The following FARS2 variants were observed in gnomAD, a reference collection of about 807,000 sequenced individuals.
FARS2 encodes the protein phenylalanyl-tRNA synthetase 2, mitochondrial, also known as phenylalanine--tRNA ligase, mitochondrial.
In FARS2, 40 loss-of-function variants were observed where a neutral mutation model predicts 46.4. The observed-to-expected ratio is 0.86, with a 90% confidence interval of 0.67 to 1.12. The LOEUF is 1.12. Ranked by LOEUF, FARS2 falls within the 50% of genes most tolerant of loss-of-function variation. The probability of loss-of-function intolerance (pLI) is 0.00; values close to 1 mark genes in which losing one functional copy is unlikely to be tolerated. For missense variants in FARS2, 513 were observed against 567.9 expected (o/e 0.90, Z 0.98); for synonymous variants, 234 against 214.9 (o/e 1.09, Z -0.78).
chr6:5,308,838 A>G (rs1768901150), intron 1 of FARS2, among the ~76,000 whole-genome samples: 1 of 152,180 alleles, frequency 6.6e-6, no homozygotes, highest in Non-Finnish European at 1.5e-5. Context: ...CATAGACCTC[A>G]AGGCTGGGGA....
chr6:5,560,918 C>T (rs1455041376), intron 5 of FARS2, among the ~76,000 whole-genome samples: 2 of 152,080 alleles, frequency 1.3e-5, no homozygotes, highest in Non-Finnish European at 2.9e-5. Context: ...CACTTGAGGC[C>T]AGGAGTTTGA....
chr6:5,566,579 A>G (rs554847405), intron 5 of FARS2, among the ~76,000 whole-genome samples: 2 of 152,314 alleles, frequency 1.3e-5, no homozygotes, highest in African/African-American at 4.8e-5. Context: ...TTATGCATGC[A>G]TTAAGAGTGG....
At chr6:5,479,050 T>G (rs1164852963) in intron 4 of FARS2, among the ~76,000 whole-genome samples, 1 of 152,254 alleles carries the variant, frequency 6.6e-6, no homozygotes, top group Non-Finnish European at 1.5e-5. Flanking sequence ...GTAGTAAAAT[T>G]ATGGCTTCTG....
intron 1 of FARS2, among the ~76,000 whole-genome samples, chr6:5,269,654 AT>A (rs1765806468): frequency 6.6e-6 from 1 of 152,122 alleles, no homozygotes; most frequent in Non-Finnish European, 1.5e-5. Context: ...AACATTTAGA[AT>A]TTGCAGTGTT....
intron 1 of FARS2, among the ~76,000 whole-genome samples, chr6:5,315,373 C>T (rs970645064): frequency 5.3e-5 from 8 of 152,272 alleles, no homozygotes; most frequent in South Asian, 4.1e-4. Context: ...TTGCATGCAG[C>T]GCCTAAAGAA....
chr6:5,584,018 G>T (rs376829915), intron 5 of FARS2, among the ~76,000 whole-genome samples: 62 of 151,882 alleles, frequency 4.1e-4, no homozygotes, highest in African/African-American at 1.4e-3. Flanking sequence ...TTTCCAGGAG[G>T]TATCTCTGTT....
chr6:5,273,965 G>C (rs558514877), intron 1 of FARS2, among the ~76,000 whole-genome samples: 3 of 151,996 alleles, frequency 2.0e-5, no homozygotes, highest in Non-Finnish European at 4.4e-5. Flanking sequence ...ATTTATATCT[G>C]GTTCTCTATT....
At chr6:5,282,538 G>C (rs1766810839) in intron 1 of FARS2, among the ~76,000 whole-genome samples, 1 of 152,138 alleles carries the variant, frequency 6.6e-6, no homozygotes, top group Non-Finnish European at 1.5e-5. Flanking sequence ...CGGAGTTGAG[G>C]GTTAGTGGTA....
rs953900312 is a variant in FARS2 at position 5,466,986 on chromosome 6, C to T, written c.904+35814C>T. ...GATAAGAGGCACATATTCTTCAGTT[C>T]GTGCAACAGATGTCCTCCTGAGACA... is the stretch of plus-strand genomic sequence containing the variant. On this transcript the variant is annotated intron_variant, in intron 4 of 6. Coordinates refer to ENST00000274680, the MANE Select transcript of FARS2 (RefSeq NM_006567.5). 1.7e-5 allele frequency: 17 copies of T among 985,132 alleles called. No individual in the cohort carries two copies. The South Asian group carries it at 1.9e-4, about 11-fold the overall frequency. The allele number at this position is 985,132 out of a possible 1,614,324, so 61.0% of individuals were successfully genotyped here.
At chr6:5,449,582 C>T (rs1395597497) in intron 4 of FARS2, among the ~76,000 whole-genome samples, 3 of 152,062 alleles carry the variant, frequency 2.0e-5, no homozygotes. Flanking sequence ...CTTATTCATT[C>T]ATTGTTCATG....
chr6:5,512,186 C>T (rs1470948403), intron 4 of FARS2, among the ~76,000 whole-genome samples: 1 of 152,080 alleles, frequency 6.6e-6, no homozygotes, highest in East Asian at 1.9e-4. Context: ...TTCAATTGCT[C>T]ACATAATAGG....
At chr6:5,704,029 T>G (rs1758594930) in intron 6 of FARS2, among the ~76,000 whole-genome samples, 1 of 152,216 alleles carries the variant, frequency 6.6e-6, no homozygotes, top group Non-Finnish European at 1.5e-5. Flanking sequence ...TAATGCTGGG[T>G]TCTCCTTCCT....
At chr6:5,637,672 CA>C (rs1463172659) in intron 6 of FARS2, among the ~76,000 whole-genome samples, 3 of 152,196 alleles carry the variant, frequency 2.0e-5, no homozygotes, top group Admixed American at 2.0e-4. Context: ...CTGACTTAAA[CA>C]GCAGAAATTT....
intron 6 of FARS2, among the ~76,000 whole-genome samples, chr6:5,725,318 G>A (rs1370924724): frequency 1.3e-5 from 2 of 152,232 alleles, no homozygotes; most frequent in African/African-American, 4.8e-5. Flanking sequence ...TTGGAGGCAG[G>A]TTGGGCAAGG....
intron 6 of FARS2, among the ~76,000 whole-genome samples, chr6:5,682,338 TTAAA>T (rs1195003120): frequency 2.6e-5 from 4 of 152,236 alleles, no homozygotes; most frequent in African/African-American, 9.6e-5. Context: ...GAGAAATTTT[TTAAA>T]TTCGGCAATA....
chr6:5,349,394 GT>G (rs1469985249), intron 1 of FARS2, among the ~76,000 whole-genome samples: 1 of 152,134 alleles, frequency 6.6e-6, no homozygotes, highest in African/African-American at 2.4e-5. Flanking sequence ...GAAGATGATA[GT>G]TTTCCCTAAT....
intron 6 of FARS2, among the ~76,000 whole-genome samples, chr6:5,654,493 G>T (rs575692204): frequency 5.9e-5 from 9 of 152,288 alleles, no homozygotes; most frequent in African/African-American, 2.2e-4. Flanking sequence ...TGCCTCTGGG[G>T]TTAGGATACT....
chr6:5,363,754 C>T (rs985131156), intron 1 of FARS2, among the ~76,000 whole-genome samples: 3 of 152,176 alleles, frequency 2.0e-5, no homozygotes, highest in Non-Finnish European at 4.4e-5. Flanking sequence ...CCCTTTACGT[C>T]CCCTCTGTCT....
chr6:5,499,444 T>A (rs1209758166), intron 4 of FARS2, among the ~76,000 whole-genome samples: 1 of 152,140 alleles, frequency 6.6e-6, no homozygotes, highest in African/African-American at 2.4e-5. Flanking sequence ...AAGGAAAGAA[T>A]GGTTAGAATA....
Sources: allele counts gnomAD v4.1 joint callset (sites outside exome capture counted in the v4.1 genomes callset), GRCh38; gene constraint gnomAD v4.1.1; transcripts MANE v1.5; gene names NCBI Gene and HGNC (gene_info 2026-07-23, HGNC 2026-07-21).